The following LDHAL6A variants were observed in gnomAD, a reference collection of about 807,000 sequenced individuals.
LDHAL6A encodes lactate dehydrogenase A like 6A.
In LDHAL6A, 19 loss-of-function variants were observed where a neutral mutation model predicts 28.2. The observed-to-expected ratio is 0.67, with a 90% CI of 0.47 to 0.99. LDHAL6A has a LOEUF of 0.99. LDHAL6A is among the 50% of genes least tolerant of loss of function. LDHAL6A has a pLI of 0.00. For missense variants in LDHAL6A, 372 were observed against 398.6 expected (o/e 0.93, Z 0.57); for synonymous variants, 144 against 134.4 (o/e 1.07, Z -0.49).
intron 2 of LDHAL6A, among the ~76,000 whole-genome samples, chr11:18,464,871 G>A (rs1590249991): frequency 6.6e-6 from 1 of 151,820 alleles, no homozygotes; most frequent in Non-Finnish European, 1.5e-5. Flanking sequence ...TCAAAGGTCT[G>A]TTCACACCAC....
intron 2 of LDHAL6A, among the ~76,000 whole-genome samples, chr11:18,464,670 G>A (rs1238098379): frequency 3.3e-5 from 5 of 151,400 alleles, no homozygotes; most frequent in Admixed American, 1.3e-4. Context: ...AGCCAAGATC[G>A]TGCCATTGCA....
At chr11:18,475,315 T>A (rs1049663054) in intron 3 of LDHAL6A, 151 bp from the exon 4 acceptor site, 2 of 610,902 alleles carry the variant, frequency 3.3e-6, no homozygotes, top group African/African-American at 3.7e-5. Flanking sequence ...TAGATATTCT[T>A]AAGAGTTGGC....
At chr11:18,469,044 C>G in intron 3 of LDHAL6A, 1 of 441,148 alleles carries the variant, frequency 2.3e-6, no homozygotes, top group Non-Finnish European at 4.0e-6. Context: ...TCACATTGTA[C>G]AATAGTATTT....
rs1565069548 is a variant in LDHAL6A, at chr11:18,465,792, CTTA to C, written c.403_405del (p.Ile135del). Reference sequence around the variant, plus strand: ...CCAGTACAGTCCTCACTGCAAACTGCTTATTGTTACTAATCCAGGTCAGCTTTG... The same window carrying C: ...CCAGTACAGTCCTCACTGCAAACTGCTTGTTACTAATCCAGGTCAGCTTTG... On this transcript the variant is annotated inframe_deletion, in exon 3 of 7. Coordinates refer to ENST00000280706, the MANE Select transcript of LDHAL6A (RefSeq NM_144972.5). 2 of 1,611,636 alleles carry C rather than the reference CTTA, an allele frequency of 1.2e-6. No homozygotes were observed. The highest frequency in any genetic ancestry group is 2.2e-5 in the South Asian group (2 of 90,464).
chr11:18,475,424 T>G (rs1223905238), intron 3 of LDHAL6A, 42 bp from the exon 4 acceptor site: 2 of 1,464,696 alleles, frequency 1.4e-6, no homozygotes, highest in African/African-American at 2.8e-5. Context: ...AACATATCCT[T>G]GTAGATGAGG....
chr11:18,467,926 C>CATAT (rs1292809923), intron 3 of LDHAL6A, among the ~76,000 whole-genome samples: 2 of 55,466 alleles, frequency 3.6e-5, no homozygotes, highest in African/African-American at 9.6e-5. Context: ...TATACACACA[C>CATAT]ATATATATAT....
At chr11:18,467,727 G>A (rs1223117322) in intron 3 of LDHAL6A, among the ~76,000 whole-genome samples, 2 of 150,492 alleles carry the variant, frequency 1.3e-5, no homozygotes, top group African/African-American at 2.5e-5. Context: ...GCATGGTGGT[G>A]CACACCTGTA....
At chr11:18,462,534 G>A (rs1376960268) in intron 1 of LDHAL6A, among the ~76,000 whole-genome samples, 9 of 151,858 alleles carry the variant, frequency 5.9e-5, no homozygotes, top group Non-Finnish European at 1.0e-4. Flanking sequence ...CTACTCGGGA[G>A]GCTGAGGCAG....
intron 3 of LDHAL6A, among the ~76,000 whole-genome samples, chr11:18,466,702 T>A (rs1849084094): frequency 6.7e-6 from 1 of 148,412 alleles, no homozygotes; most frequent in Non-Finnish European, 1.5e-5. Context: ...ATATGCTTAA[T>A]CATATGAGTT....
intron 1 of LDHAL6A, among the ~76,000 whole-genome samples, chr11:18,459,998 T>C (rs1217526364): frequency 6.6e-6 from 1 of 152,226 alleles, no homozygotes; most frequent in Non-Finnish European, 1.5e-5. Context: ...CTACATACTG[T>C]CATGATTTAT....
At chr11:18,478,007 A>G (rs557939912) in intron 6 of LDHAL6A, among the ~76,000 whole-genome samples, 1 of 152,294 alleles carries the variant, frequency 6.6e-6, no homozygotes, top group Non-Finnish European at 1.5e-5. Context: ...AACTGATTCT[A>G]CCAGTATCTA....
chr11:18,469,130 T>C, intron 3 of LDHAL6A: 1 of 556,008 alleles, frequency 1.8e-6, no homozygotes, highest in Non-Finnish European at 3.1e-6. Context: ...AAAGGAGAGC[T>C]GTGGAGAGAT....
intron 1 of LDHAL6A, among the ~76,000 whole-genome samples, chr11:18,462,921 G>A (rs1307862320): frequency 6.7e-6 from 1 of 148,844 alleles, no homozygotes; most frequent in African/African-American, 2.5e-5. Flanking sequence ...TCCACTTTAG[G>A]CAATTATTTG....
intron 3 of LDHAL6A, among the ~76,000 whole-genome samples, chr11:18,474,666 C>T (rs911767206): frequency 2.6e-5 from 4 of 152,018 alleles, no homozygotes; most frequent in South Asian, 2.1e-4. Flanking sequence ...GGATTACAGG[C>T]GTGAGCCACT....
Position 18,465,449 on chromosome 11 carries a change from T to TA in LDHAL6A, c.245-180dup, listed in dbSNP as rs1280408659. On this transcript the variant is annotated intron_variant, in intron 2 of 6. Transcript: ENST00000280706. Reference sequence around the variant, plus strand: ...ACGTTTTTTTTTTTTTTTTTATTATTAAAAAAAATGTACAAGGGAAACTTA... The same window carrying TA: ...ACGTTTTTTTTTTTTTTTTTATTATTAAAAAAAAATGTACAAGGGAAACTTA... Among the ~76,000 whole-genome samples, 396 of 149,440 alleles carry TA rather than the reference T, an allele frequency of 2.6e-3. 4 individuals are homozygous for TA. The highest frequency in any genetic ancestry group is 8.7e-3 in the African/African-American group (350 of 40,358).
rs780783498 is a variant in LDHAL6A at position 18,476,433 on chromosome 11, G to C, written c.642G>C (p.Leu214=). 2 of 1,614,104 alleles carry C rather than the reference G, an allele frequency of 1.2e-6. No homozygotes were observed. The highest frequency in any genetic ancestry group is 1.7e-6 in the Non-Finnish European group (2 of 1,180,000). The part of the protein sequence containing the change: ...VNIAGVPLKD[L]NPDIGTDKDP... ...TTGCTGGCGTCCCTCTGAAGGATCT[G>C]AACCCAGATATAGGAACTGATAAAG... Residue 214 remains leucine, a synonymous_variant, in exon 5 of 7, where the codon CTG becomes CTC. Transcript: ENST00000280706.
intron 6 of LDHAL6A, among the ~76,000 whole-genome samples, 160 bp downstream of exon 6, chr11:18,477,903 C>T (rs1238841291): frequency 6.6e-6 from 1 of 151,962 alleles, no homozygotes; most frequent in African/African-American, 2.4e-5. Context: ...GGGGAAAGAG[C>T]CTATCTTTGT....
chr11:18,464,800 T>C (rs528047327), intron 2 of LDHAL6A, among the ~76,000 whole-genome samples: 109 of 152,206 alleles, frequency 7.2e-4, no homozygotes, highest in Non-Finnish European at 1.3e-3. Context: ...TACTGTACTT[T>C]ATTCACTTGG....
chr11:18,464,978 T>G (rs1308096594), intron 2 of LDHAL6A, among the ~76,000 whole-genome samples: 1 of 4,490 alleles, frequency 2.2e-4, no homozygotes, highest in Non-Finnish European at 5.4e-4. Context: ...GTTTTTTTTG[T>G]TTTTTTTTGT....
Sources: allele counts gnomAD v4.1 joint callset (sites outside exome capture counted in the v4.1 genomes callset), GRCh38; gene constraint gnomAD v4.1.1; transcripts MANE v1.5; gene names NCBI Gene and HGNC (gene_info 2026-07-23, HGNC 2026-07-21).